PRKAR1B: variants seen among roughly 807,000 people sequenced by gnomAD.
PRKAR1B encodes the protein cAMP-dependent protein kinase type I-beta regulatory subunit.
Under a neutral mutation model 46.5 loss-of-function variants are expected in PRKAR1B, and 22 were observed. The ratio of observed to expected loss-of-function variants is 0.47; its 90% CI spans 0.34 to 0.68. PRKAR1B has a LOEUF of 0.68. PRKAR1B is among the 30% of genes least tolerant of loss of function. The pLI, the probability that PRKAR1B is intolerant of heterozygous loss-of-function variation, is 0.01. For missense variants in PRKAR1B, 445 were observed against 535.6 expected, an observed-to-expected ratio of 0.83 and a Z score of 1.67; for synonymous variants, 259 against 217.7, an observed-to-expected ratio of 1.19 and a Z score of -1.67.
At chr7:622,359 C>T (rs373755290) in intron 4 of PRKAR1B, among the ~76,000 whole-genome samples, 4 of 152,350 alleles carry the variant, frequency 2.6e-5, no homozygotes, top group East Asian at 1.9e-4. Context: ...ACTCCTCCCG[C>T]TCCAACAATC....
At chr7:586,425 CT>C (rs775104866) in intron 7 of PRKAR1B, among the ~76,000 whole-genome samples, 5 of 152,228 alleles carry the variant, frequency 3.3e-5, no homozygotes, top group Non-Finnish European at 5.9e-5. Flanking sequence ...GTAAAAGATA[CT>C]GTGGCTCCTG....
At chr7:554,010 G>T (rs1040348077) in intron 9 of PRKAR1B, among the ~76,000 whole-genome samples, 1 of 152,254 alleles carries the variant, frequency 6.6e-6, no homozygotes, top group Admixed American at 6.5e-5. Context: ...CTCAGACCCC[G>T]GGCGCTGGAG....
At position 607,470 on chromosome 7, in the gene PRKAR1B, C is replaced by A; in HGVS notation, c.441-18G>T. 1 of 1,610,762 alleles carries A rather than the reference C, an allele frequency of 6.2e-7. No homozygotes were observed. ...ATATGTCACTGAAAAGCAAAACACGCCAAATTAGGGCTGCAGGCAGCACAG... is the reference window on the plus strand; with the variant it reads ...ATATGTCACTGAAAAGCAAAACACGACAAATTAGGGCTGCAGGCAGCACAG... On this transcript the variant is annotated intron_variant, in intron 4 of 10. Transcript: ENST00000537384.
chr7:556,857 G>C (rs891648690), intron 9 of PRKAR1B, among the ~76,000 whole-genome samples: 13 of 152,328 alleles, frequency 8.5e-5, no homozygotes, highest in African/African-American at 3.1e-4. Context: ...CTCTGTCCCT[G>C]GGGCCGGGAA....
chr7:600,276 G>A (rs1007417771), intron 6 of PRKAR1B, among the ~76,000 whole-genome samples: 9 of 152,190 alleles, frequency 5.9e-5, no homozygotes, highest in African/African-American at 1.7e-4. Flanking sequence ...AAGCCCAGGC[G>A]GGAGGATTGC....
At chr7:718,869 T>TTTTTC in intron 1 of PRKAR1B, among the ~76,000 whole-genome samples, 2 of 135,448 alleles carry the variant, frequency 1.5e-5, no homozygotes, top group African/African-American at 2.8e-5. Context: ...TAGGCTTTTT[T>TTTTTC]TTTTTTTTTT....
intron 6 of PRKAR1B, among the ~76,000 whole-genome samples, chr7:596,553 C>G (rs1173063160): frequency 2.0e-5 from 3 of 152,234 alleles, no homozygotes; most frequent in Non-Finnish European, 4.4e-5. Flanking sequence ...CAGGAGGGCC[C>G]AGCCGCCAGT....
At position 644,401 on chromosome 7, in the gene PRKAR1B, C is replaced by T. The variant is rs926981370; in HGVS notation, c.440+32828G>A. 2.6e-5 allele frequency among the ~76,000 whole-genome samples: 4 copies of T among 152,178 alleles called. No homozygotes were observed. Among genetic ancestry groups the T allele is most frequent in the African/African-American group, 9.7e-5 (4 of 41,446 alleles). On this transcript the variant is annotated intron_variant, in intron 4 of 10. Coordinates refer to ENST00000537384, the MANE Select transcript of PRKAR1B (RefSeq NM_001164760.2). This position sits in a 1 kb window ranked among gnomAD's most constrained non-coding sequence, Gnocchi z 4.9. ...ACATTCGGAACGGGGTTTTGCTCCT[C>T]CTTGGGTGTGCAGAGGCTGAGGGGG...
At chr7:600,812 G>A (rs1039810530) in intron 6 of PRKAR1B, among the ~76,000 whole-genome samples, 13 of 152,234 alleles carry the variant, frequency 8.5e-5, no homozygotes, top group Non-Finnish European at 1.3e-4. Context: ...ACGTTCCCAG[G>A]CCTGCAAAGT....
chr7:660,896 C>T (rs1392406894), intron 4 of PRKAR1B, among the ~76,000 whole-genome samples: 1 of 128,268 alleles, frequency 7.8e-6, no homozygotes, highest in East Asian at 2.5e-4. Context: ...CCAACGGGTC[C>T]AAATACCTAC....
chr7:642,993 G>C (rs547114749), intron 4 of PRKAR1B, among the ~76,000 whole-genome samples: 6 of 151,560 alleles, frequency 4.0e-5, no homozygotes, highest in Non-Finnish European at 5.9e-5. Context: ...TGCTAACCCC[G>C]CACTTCACTG....
At chr7:690,157 G>A (rs1374815638) in intron 2 of PRKAR1B, among the ~76,000 whole-genome samples, 1 of 151,880 alleles carries the variant, frequency 6.6e-6, no homozygotes, top group Non-Finnish European at 1.5e-5. Context: ...TTAGCCAGGC[G>A]TGGTGGTGTG....
At chr7:726,721 ATGGCGGCGCTGGGGGTGGCGGAGGCCG>A in intron 1 of PRKAR1B, 1 of 1,239,406 alleles carries the variant, frequency 8.1e-7, no homozygotes, top group Non-Finnish European at 1.0e-6. Flanking sequence ...CGCGGGCAAG[ATGGCGGCGCTGGGGGTGGCGGAGGCCG>A]TGGCGGCCCC....
In PRKAR1B at chr7:593,163, C is replaced by T. The variant is rs1040148147; in HGVS notation, c.708+2983G>A. ...ATCCTTCCTCGGATAAAACGTGAAG[C>T]GGTGGAGGAAAGAGACGGGCATCAG... On this transcript the variant is annotated intron_variant, in intron 7 of 10. Coordinates refer to ENST00000537384, the MANE Select transcript of PRKAR1B (RefSeq NM_001164760.2). The surrounding 1 kb of genome is among the most constrained non-coding windows in gnomAD (Gnocchi z 6.1). Among the ~76,000 whole-genome samples the T allele has an allele frequency of 3.3e-5, 5 of 152,290 alleles. No homozygotes were observed. The highest frequency in any genetic ancestry group is 3.4e-3 in the Middle Eastern group (1 of 294).
Position 607,771 on chromosome 7 carries a change from T to C in PRKAR1B, c.441-319A>G, listed in dbSNP as rs1037622422. 7 of 283,810 alleles carry C rather than the reference T, an allele frequency of 2.5e-5. No homozygotes were observed. The East Asian group carries it at 2.9e-4, about 12-fold the overall frequency. 17.6% of individuals were successfully genotyped at this position (283,810 alleles called of 1,614,324 possible). A position where few individuals can be genotyped will look rare whatever the true frequency, so the allele number is the denominator to read the frequency against. ...CCATTTAGAAAAACAAAAGTAACAA[T>C]AGATTGTGAACATTCTCCCATCGGT... On this transcript the variant is annotated intron_variant, in intron 4 of 10. Transcript: ENST00000537384.
At position 711,416 on chromosome 7, in the gene PRKAR1B, G is replaced by A. The variant is rs1302688069; in HGVS notation, c.90C>T (p.Val30=). 6.2e-7 allele frequency: 1 copy of A among 1,614,250 alleles called. No individual in the cohort carries two copies. ...LYVQLHGIQQ[V]LKDCIVHLCI... is the part of the protein sequence containing the mutation. The stretch of plus-strand genomic sequence containing the variant: ...AGAGGTGGACGATACAGTCTTTGAG[G>A]ACCTGCTGGATCCCGTGCAGCTGCA... Residue 30 remains valine, a synonymous_variant, in exon 2 of 11, where the codon GTC becomes GTT. Coordinates refer to ENST00000537384, the MANE Select transcript of PRKAR1B (RefSeq NM_001164760.2).
Position 720,029 on chromosome 7 carries a change from G to A in PRKAR1B, c.-23+7181C>T, listed in dbSNP as rs74432798. 3.2e-3 allele frequency among the ~76,000 whole-genome samples: 481 copies of A among 150,196 alleles called. 12 individuals carry two copies. The East Asian group carries it at 0.039, about 12-fold the overall frequency. ...GGTAAGTGTGATTCCATTATTGTCA[G>A]AGAAGGCGTTCTGTGCAAGTCTTTT... On this transcript the variant is annotated intron_variant, in intron 1 of 10. Coordinates refer to ENST00000537384, the MANE Select transcript of PRKAR1B (RefSeq NM_001164760.2).
intron 7 of PRKAR1B, among the ~76,000 whole-genome samples, chr7:588,362 T>C (rs1483610453): frequency 6.6e-6 from 1 of 152,186 alleles, no homozygotes; most frequent in South Asian, 2.1e-4. Context: ...CCTCACTGGG[T>C]CATTATGAGA....
At chr7:590,127 T>A (rs1328167394) in intron 7 of PRKAR1B, among the ~76,000 whole-genome samples, 2 of 152,194 alleles carry the variant, frequency 1.3e-5, no homozygotes. Context: ...CAGAGGGGGC[T>A]CTGGCACTCT....
Sources: gnomAD v4.1 joint callset for allele counts (sites outside exome capture counted in the v4.1 genomes callset) on GRCh38, gnomAD v4.1.1 for gene constraint, Gnocchi (gnomAD v3.1) non-coding constraint, MANE v1.5 for transcripts, NCBI Gene and HGNC (gene_info 2026-07-23, HGNC 2026-07-21) for gene names.